Variants in ZNG1E observed in about 807,000 individuals in gnomAD.
The protein encoded by ZNG1E is Zn regulated GTPase metalloprotein activator 1E.
chr9:65,659,494 CAA>C, the ZNG1E span, among the ~76,000 whole-genome samples: 15,748 of 111,120 alleles, frequency 0.14, 92 homozygotes, highest in East Asian at 0.23. Context: ...GACTCCGTCT[CAA>C]AAAAAAAAAA....
At chr9:65,689,659 CTATT>C in the ZNG1E span, among the ~76,000 whole-genome samples, 24 of 125,720 alleles carry the variant, frequency 1.9e-4, no homozygotes, top group Non-Finnish European at 2.0e-4. Flanking sequence ...GATTTGTAAA[CTATT>C]TATTAGACTA....
chr9:65,710,574 G>A, the ZNG1E span, among the ~76,000 whole-genome samples: 4 of 152,100 alleles, frequency 2.6e-5, no homozygotes, highest in African/African-American at 9.7e-5. Context: ...TCTACATACG[G>A]CTAGCCAGTT....
chr9:65,678,429 T>A, the ZNG1E span, among the ~76,000 whole-genome samples: 1 of 139,958 alleles, frequency 7.1e-6, no homozygotes, highest in Admixed American at 7.3e-5. Flanking sequence ...TGTAGGAAGA[T>A]CTAGTTATAT....
At chr9:65,714,697 G>A in the ZNG1E span, among the ~76,000 whole-genome samples, 6 of 146,982 alleles carry the variant, frequency 4.1e-5, no homozygotes, top group Non-Finnish European at 8.8e-5. Context: ...ACCTCCCAGG[G>A]GGTGACCTCC....
chr9:65,664,326 G>A, the ZNG1E span, among the ~76,000 whole-genome samples: 3 of 149,880 alleles, frequency 2.0e-5, no homozygotes, highest in South Asian at 2.1e-4. Context: ...GTTGTGGGGG[G>A]ACCCGGTGGG....
chr9:65,710,835 C>A, the ZNG1E span, among the ~76,000 whole-genome samples: 1 of 145,120 alleles, frequency 6.9e-6, no homozygotes, highest in Non-Finnish European at 1.5e-5. Context: ...CTTGGCGATG[C>A]GGGCTCTTTT....
chr9:65,710,536 G>T, the ZNG1E span, among the ~76,000 whole-genome samples: 12 of 152,022 alleles, frequency 7.9e-5, no homozygotes, highest in Non-Finnish European at 1.2e-4. Context: ...TTTGTATAAG[G>T]TGTAAGGAAG....
At chr9:65,721,653 G>A in the ZNG1E span, among the ~76,000 whole-genome samples, 2 of 150,346 alleles carry the variant, frequency 1.3e-5, no homozygotes, top group East Asian at 1.9e-4. Context: ...CATAAGAGTA[G>A]AATAGTATAA....
At chr9:65,665,287 C>T in the ZNG1E span, among the ~76,000 whole-genome samples, 3 of 152,384 alleles carry the variant, frequency 2.0e-5, no homozygotes, top group East Asian at 1.9e-4. Flanking sequence ...GGCCCAGGGT[C>T]CCTCTGCTGT....
At chr9:65,710,382 G>T in the ZNG1E span, among the ~76,000 whole-genome samples, 1 of 148,478 alleles carries the variant, frequency 6.7e-6, no homozygotes, top group African/African-American at 2.5e-5. Context: ...GTCAATTTTG[G>T]CTTTTGTTGC....
At chr9:65,668,258 C>T in the ZNG1E span, among the ~76,000 whole-genome samples, 12 of 151,594 alleles carry the variant, frequency 7.9e-5, no homozygotes, top group South Asian at 4.2e-4. Context: ...GGGAATCTTG[C>T]TTCTCCTACA....
the ZNG1E span, among the ~76,000 whole-genome samples, chr9:65,665,410 A>G: frequency 3.3e-5 from 5 of 152,268 alleles, no homozygotes; most frequent in Non-Finnish European, 5.9e-5. Flanking sequence ...CAGCTTCCAC[A>G]TGGCTTTGAG....
the ZNG1E span, among the ~76,000 whole-genome samples, chr9:65,667,574 T>C: frequency 1.3e-5 from 2 of 152,144 alleles, no homozygotes; most frequent in South Asian, 4.1e-4. Context: ...TTATATTTCT[T>C]GATAATATGT....
the ZNG1E span, among the ~76,000 whole-genome samples, chr9:65,657,022 C>T: frequency 6.6e-6 from 1 of 151,782 alleles, no homozygotes; most frequent in African/African-American, 2.4e-5. Context: ...AGGGGAACTA[C>T]CAGCATGAAA....
chr9:65,703,819 C>A, the ZNG1E span: 1 of 970,336 alleles, frequency 1.0e-6, no homozygotes, highest in South Asian at 4.9e-5. Flanking sequence ...TAGGCAGTAA[C>A]AGCAGCAGCT....
chr9:65,691,092 G>A, the ZNG1E span: 5 of 1,554,276 alleles, frequency 3.2e-6, no homozygotes, highest in Non-Finnish European at 4.3e-6. Flanking sequence ...TTTTTTTTCT[G>A]AGACAGAGTC....
the ZNG1E span, among the ~76,000 whole-genome samples, chr9:65,715,532 CT>C: frequency 7.0e-6 from 1 of 143,530 alleles, no homozygotes; most frequent in South Asian, 2.2e-4. Flanking sequence ...GTATCTTTTT[CT>C]TTTTTTATTG....
chr9:65,658,293 G>A, the ZNG1E span, among the ~76,000 whole-genome samples: 2 of 151,848 alleles, frequency 1.3e-5, no homozygotes, highest in Non-Finnish European at 2.9e-5. Flanking sequence ...AAACAAAAAG[G>A]GAGCTCTTGG....
chr9:65,708,272 T>C, the ZNG1E span: 2 of 145,168 alleles, frequency 1.4e-5, no homozygotes, highest in African/African-American at 5.5e-5. Flanking sequence ...TGATATGTTA[T>C]TTATTCTCAC....
Sources: gnomAD v4.1 joint callset for allele counts (sites outside exome capture counted in the v4.1 genomes callset) on GRCh38, gnomAD v4.1.1 for gene constraint, MANE v1.5 for transcripts, NCBI Gene and HGNC (gene_info 2026-07-23, HGNC 2026-07-21) for gene names.